The following PRR33 variants were observed in gnomAD, a reference collection of about 807,000 sequenced individuals.
PRR33 encodes proline-rich protein 33.
Under a neutral mutation model 0.5 loss-of-function variants are expected in PRR33, and 1 was observed. That is an observed-to-expected ratio of 2.18 (90% CI 0.77 to 10.34). The LOEUF (loss-of-function observed/expected upper bound fraction) is 10.34. PRR33 is among the 30% of genes most tolerant of loss of function. The probability of loss-of-function intolerance (pLI) is 0.13; values close to 1 mark genes in which losing one functional copy is unlikely to be tolerated. For synonymous variants in PRR33, 226 were observed against 110.0 expected (o/e 2.06, Z -6.60); for missense variants, 552 against 251.8 (o/e 2.19, Z -8.07).
upstream of PRR33, among the ~76,000 whole-genome samples, chr11:1,893,219 T>G (rs1199987894): frequency 7.5e-6 from 1 of 132,810 alleles, no homozygotes; most frequent in Non-Finnish European, 1.7e-5. Context: ...AGTGGACGGA[T>G]AAGCAGGTGA....
the PRR33 span, among the ~76,000 whole-genome samples, chr11:1,908,412 C>CA: frequency 7.1e-6 from 1 of 141,540 alleles, no homozygotes; most frequent in Non-Finnish European, 1.5e-5. Context: ...TTGTGAGAGT[C>CA]AAACTCCCTA....
chr11:1,893,323 G>A (rs1375909497), upstream of PRR33, among the ~76,000 whole-genome samples: 1 of 151,640 alleles, frequency 6.6e-6, no homozygotes, highest in African/African-American at 2.4e-5. Context: ...ATGGATAGAG[G>A]GATGTATGGA....
the PRR33 span, among the ~76,000 whole-genome samples, chr11:1,903,457 T>C: frequency 2.0e-5 from 3 of 152,176 alleles, no homozygotes; most frequent in Admixed American, 2.0e-4. Context: ...CATTTGCCTT[T>C]TGTGCAGACA....
the PRR33 span, among the ~76,000 whole-genome samples, chr11:1,899,389 C>G: frequency 6.6e-6 from 1 of 152,202 alleles, no homozygotes; most frequent in Non-Finnish European, 1.5e-5. Context: ...TCTCAGAAAA[C>G]CAAATGTCTG....
At chr11:1,905,100 G>T in the PRR33 span, among the ~76,000 whole-genome samples, 3 of 149,260 alleles carry the variant, frequency 2.0e-5, no homozygotes, top group Non-Finnish European at 4.4e-5. Context: ...TAAGCTGAGA[G>T]CAAGGTCATT....
chr11:1,897,489 G>A, the PRR33 span, among the ~76,000 whole-genome samples: 16 of 152,302 alleles, frequency 1.1e-4, no homozygotes, highest in Non-Finnish European at 2.2e-4. The surrounding 1 kb of genome is among the most constrained non-coding windows in gnomAD (Gnocchi z 4.0). Flanking sequence ...ATCTGCTTCC[G>A]TAAAGCTTCG....
exon 1 of PRR33, chr11:1,889,160 G>T (rs774007969): frequency 3.1e-5 from 21 of 667,656 alleles, no homozygotes; most frequent in Non-Finnish European, 4.4e-5. Flanking sequence ...GGAGCCTCCA[G>T]CCAGTCGCTG....
chr11:1,903,787 T>C, the PRR33 span, among the ~76,000 whole-genome samples: 6 of 152,202 alleles, frequency 3.9e-5, no homozygotes, highest in African/African-American at 1.4e-4. Flanking sequence ...AACTGAGCAA[T>C]GATTTTTCCC....
chr11:1,907,267 C>T, the PRR33 span, among the ~76,000 whole-genome samples: 1 of 152,196 alleles, frequency 6.6e-6, no homozygotes, highest in African/African-American at 2.4e-5. Context: ...TTTTGGTGGA[C>T]ATGTTTGGAT....
At chr11:1,914,484 T>C in the PRR33 span, among the ~76,000 whole-genome samples, 1 of 148,322 alleles carries the variant, frequency 6.7e-6, no homozygotes, top group Non-Finnish European at 1.5e-5. Context: ...TTTCTTTGTG[T>C]GTGTGTGTGT....
upstream of PRR33, among the ~76,000 whole-genome samples, chr11:1,896,178 T>C (rs1190034329): frequency 1.3e-5 from 2 of 152,248 alleles, no homozygotes; most frequent in African/African-American, 4.8e-5. Context: ...GTTTTAGCTC[T>C]TCTCCTCCTC....
At chr11:1,893,030 G>A (rs1194249392), upstream of PRR33, among the ~76,000 whole-genome samples, 1 of 149,572 alleles carries the variant, frequency 6.7e-6, no homozygotes, top group Admixed American at 6.7e-5. Context: ...TGGATGAGTG[G>A]ACGGATAAGC....
At chr11:1,890,205 AG>A in the PRR33 span, 1 of 716,178 alleles carries the variant, frequency 1.4e-6, no homozygotes, top group Non-Finnish European at 2.6e-6. Context: ...GGACTTCTGC[AG>A]GGGTGATGCC....
the PRR33 span, among the ~76,000 whole-genome samples, chr11:1,899,839 T>G: frequency 6.6e-6 from 1 of 152,138 alleles, no homozygotes; most frequent in African/African-American, 2.4e-5. Context: ...CTGGGAAAGC[T>G]TCTATATAAC....
chr11:1,904,659 C>T, the PRR33 span, among the ~76,000 whole-genome samples: 22 of 151,836 alleles, frequency 1.4e-4, no homozygotes, highest in East Asian at 4.2e-3. Flanking sequence ...ACCAGCGTGC[C>T]ACCACACCCA....
the PRR33 span, among the ~76,000 whole-genome samples, chr11:1,903,878 C>T: frequency 9.9e-5 from 15 of 152,164 alleles, no homozygotes; most frequent in Non-Finnish European, 2.2e-4. Context: ...GAGTGTGCAC[C>T]TCCTGCAGCC....
chr11:1,917,704 C>T, the PRR33 span, among the ~76,000 whole-genome samples: 5 of 152,260 alleles, frequency 3.3e-5, no homozygotes, highest in African/African-American at 9.6e-5. Flanking sequence ...TCAGGCCCAG[C>T]GCCCGAGGGG....
the PRR33 span, among the ~76,000 whole-genome samples, chr11:1,914,574 A>G: frequency 8.4e-6 from 1 of 118,880 alleles, no homozygotes; most frequent in African/African-American, 3.6e-5. Context: ...ACACCTGGGG[A>G]TGTTGCTCTG....
At chr11:1,908,758 T>G in the PRR33 span, among the ~76,000 whole-genome samples, 1 of 152,242 alleles carries the variant, frequency 6.6e-6, no homozygotes, top group Non-Finnish European at 1.5e-5. Context: ...CCAGAACTTA[T>G]ACGTCTCATT....
Sources: gnomAD v4.1 joint callset for allele counts (sites outside exome capture counted in the v4.1 genomes callset) on GRCh38, gnomAD v4.1.1 for gene constraint, Gnocchi (gnomAD v3.1) non-coding constraint, MANE v1.5 for transcripts, NCBI Gene and HGNC (gene_info 2026-07-23, HGNC 2026-07-21) for gene names.